Variants in NEGR1 observed in about 807,000 individuals in gnomAD.
NEGR1 encodes IgLON family member 4.
In NEGR1, 10 loss-of-function variants were observed where a neutral mutation model predicts 40.9. The observed-to-expected ratio is 0.24, with a 90% confidence interval of 0.15 to 0.42. The LOEUF (loss-of-function observed/expected upper bound fraction) is 0.42, where lower values mean the gene tolerates loss of function less well. NEGR1 is among the 10% of genes least tolerant of loss of function. The pLI, the probability that NEGR1 is intolerant of heterozygous loss-of-function variation, is 1.00. For missense variants in NEGR1, 352 were observed against 438.9 expected (o/e 0.80, Z 1.77); for synonymous variants, 185 against 166.8 (o/e 1.11, Z -0.84).
At chr1:71,907,809 A>G (rs544580446) in intron 2 of NEGR1, among the ~76,000 whole-genome samples, 1 of 152,276 alleles carries the variant, frequency 6.6e-6, no homozygotes, top group Admixed American at 6.5e-5. Context: ...CCCCCATGGA[A>G]TACTATGCAG....
chr1:71,937,103 T>G (rs527795462), intron 1 of NEGR1, among the ~76,000 whole-genome samples: 57 of 152,194 alleles, frequency 3.7e-4, no homozygotes, highest in African/African-American at 1.1e-3. Context: ...ATGAAACTAA[T>G]CAGTGGGTGA....
chr1:71,794,037 T>C (rs1657226345), intron 2 of NEGR1, among the ~76,000 whole-genome samples: 2 of 152,194 alleles, frequency 1.3e-5, no homozygotes, highest in South Asian at 4.1e-4. Flanking sequence ...TCCTAATCAG[T>C]TCAATAAGAT....
intron 1 of NEGR1, among the ~76,000 whole-genome samples, chr1:72,086,634 A>G (rs1027973470): frequency 2.0e-5 from 3 of 152,172 alleles, no homozygotes; most frequent in African/African-American, 7.2e-5. Context: ...GCAGTGCTAT[A>G]ACTTTGGTTA....
chr1:71,904,983 A>G (rs1025125254), intron 2 of NEGR1, among the ~76,000 whole-genome samples: 7 of 152,128 alleles, frequency 4.6e-5, no homozygotes, highest in African/African-American at 1.7e-4. Flanking sequence ...CTACAAATGA[A>G]TGCTACAGCA....
At chr1:71,925,497 C>T (rs539195295) in intron 2 of NEGR1, among the ~76,000 whole-genome samples, 4 of 152,142 alleles carry the variant, frequency 2.6e-5, no homozygotes, top group African/African-American at 9.7e-5. Flanking sequence ...GCTTTGCCAC[C>T]AGTTTTAATT....
chr1:71,444,677 T>G (rs1415726519), intron 6 of NEGR1, among the ~76,000 whole-genome samples: 1 of 152,156 alleles, frequency 6.6e-6, no homozygotes, highest in Non-Finnish European at 1.5e-5. Context: ...CAAAGTTGAG[T>G]ATTTGTCAGA....
At chr1:72,014,837 C>T (rs1389584033) in intron 1 of NEGR1, among the ~76,000 whole-genome samples, 2 of 151,818 alleles carry the variant, frequency 1.3e-5, no homozygotes, top group Admixed American at 1.3e-4. Flanking sequence ...CAAAGATGGT[C>T]TTCAATGTAA....
chr1:71,737,656 A>G (rs1655082067), intron 3 of NEGR1, among the ~76,000 whole-genome samples: 1 of 152,220 alleles, frequency 6.6e-6, no homozygotes, highest in African/African-American at 2.4e-5. Context: ...ACAAATAACC[A>G]GTGCAAAGTA....
intron 2 of NEGR1, among the ~76,000 whole-genome samples, chr1:71,917,867 G>A (rs927109884): frequency 6.6e-6 from 1 of 151,366 alleles, no homozygotes; most frequent in Non-Finnish European, 1.5e-5. Context: ...CACAAATTGA[G>A]TTAGGTTGCC....
In NEGR1 at chr1:71,402,044, A is replaced by G. The variant is rs956100423; in HGVS notation, c.*5402T>C. 2.0e-5 allele frequency: 3 copies of G among 151,990 alleles called. No homozygotes were observed. The highest frequency in any genetic ancestry group is 4.4e-5 in the Non-Finnish European group (3 of 67,988). 9.4% of individuals were successfully genotyped at this position (151,990 alleles called of 1,614,324 possible). A position where few individuals can be genotyped will look rare whatever the true frequency, so the allele number is the denominator to read the frequency against. On this transcript the variant is annotated 3_prime_UTR_variant, in exon 7 of 7. Transcript: ENST00000357731. ...TAAATATATAAATAAAAATATGCAA[A>G]TAGTTGTCTATGAAGCTAGCAATGT... is the stretch of plus-strand genomic sequence containing the variant.
intron 1 of NEGR1, among the ~76,000 whole-genome samples, chr1:72,031,995 A>G (rs1282853057): frequency 6.6e-6 from 1 of 152,242 alleles, no homozygotes; most frequent in Non-Finnish European, 1.5e-5. Flanking sequence ...AGATTTAATG[A>G]CAAAAACAGA....
intron 1 of NEGR1, among the ~76,000 whole-genome samples, chr1:72,255,293 TAATA>T (rs1037465150): frequency 3.3e-5 from 5 of 152,186 alleles, no homozygotes; most frequent in African/African-American, 7.2e-5. Context: ...GAAATAAAAA[TAATA>T]AATAGCACAA....
intron 6 of NEGR1, among the ~76,000 whole-genome samples, chr1:71,549,735 A>T (rs188123147): frequency 1.3e-5 from 2 of 151,692 alleles, no homozygotes; most frequent in Admixed American, 1.3e-4. Context: ...AGAGGTGGAG[A>T]GTCATATAAT....
chr1:71,902,419 T>C (rs1211954851), intron 2 of NEGR1, among the ~76,000 whole-genome samples: 1 of 152,234 alleles, frequency 6.6e-6, no homozygotes, highest in East Asian at 1.9e-4. Flanking sequence ...TTGAATGTTA[T>C]ATTTTAATTC....
At chr1:72,139,664 GA>G (rs1557546420) in intron 1 of NEGR1, among the ~76,000 whole-genome samples, 1 of 151,970 alleles carries the variant, frequency 6.6e-6, no homozygotes, top group Non-Finnish European at 1.5e-5. Context: ...TCTAGAAAAT[GA>G]AAACCAATCT....
rs577957491 is a variant in NEGR1 at position 71,405,987 on chromosome 1, C to T, written c.*1459G>A. ...ATTTTCCTTCAAAAATGTAGTTTTG[C>T]TTCTTTATAGTAGAAATAATTTAAC... On this transcript the variant is annotated 3_prime_UTR_variant, in exon 7 of 7. Transcript: ENST00000357731. The T allele has an allele frequency of 3.3e-5, 5 of 152,282 alleles. No individual in the cohort carries two copies. The Admixed American group carries it at 3.3e-4, about 10-fold the overall frequency. The allele number at this position is 152,282 out of a possible 1,614,324, so 9.4% of individuals were successfully genotyped here. A position where few individuals can be genotyped will look rare whatever the true frequency, so the allele number is the denominator to read the frequency against.
intron 4 of NEGR1, among the ~76,000 whole-genome samples, chr1:71,668,683 A>G (rs1371989563): frequency 6.6e-6 from 1 of 152,092 alleles, no homozygotes; most frequent in African/African-American, 2.4e-5. Flanking sequence ...TATCTAGATG[A>G]CAACTGATAT....
chr1:72,104,094 C>A (rs1380829898), intron 1 of NEGR1, among the ~76,000 whole-genome samples: 1 of 151,722 alleles, frequency 6.6e-6, no homozygotes, highest in Non-Finnish European at 1.5e-5. Flanking sequence ...TGTTTTTTTC[C>A]ATGGAGAACA....
In NEGR1 at chr1:72,256,252, T is replaced by C. The variant is rs1408251053; in HGVS notation, c.176+26067A>G. On this transcript the variant is annotated intron_variant, in intron 1 of 6. Transcript: ENST00000357731. Reference sequence around the variant, plus strand: ...AGTTCACCAGATGATAATTAATATCTGCTAAGTGCTCTTCAGACTAACAGG... The same window carrying C: ...AGTTCACCAGATGATAATTAATATCCGCTAAGTGCTCTTCAGACTAACAGG... Among the ~76,000 whole-genome samples, 3 of 152,206 alleles carry C rather than the reference T, an allele frequency of 2.0e-5. No homozygotes were observed. In the East Asian group the frequency reaches 5.8e-4, roughly 29 times the overall value.
Sources: gnomAD v4.1 joint callset for allele counts (sites outside exome capture counted in the v4.1 genomes callset) on GRCh38, gnomAD v4.1.1 for gene constraint, MANE v1.5 for transcripts, NCBI Gene and HGNC (gene_info 2026-07-23, HGNC 2026-07-21) for gene names.